Variants in ADGRE2 observed in about 807,000 individuals in gnomAD.
ADGRE2 encodes the protein adhesion G protein-coupled receptor E2.
In ADGRE2, 83 loss-of-function variants were observed where a neutral mutation model predicts 100.8. The observed-to-expected ratio is 0.82, with a 90% CI of 0.69 to 0.99. ADGRE2 has a LOEUF of 0.99. ADGRE2 is among the 50% of genes least tolerant of loss of function. ADGRE2 has a pLI of 0.00. For synonymous variants in ADGRE2, 355 were observed against 413.0 expected, an observed-to-expected ratio of 0.86 and a Z score of 1.70; for missense variants, 814 against 1,035.7, an observed-to-expected ratio of 0.79 and a Z score of 2.94.
chr19:14,755,844 C>G lies in ADGRE2; in HGVS notation c.1226G>C (p.Gly409Ala), dbSNP rs752640257. The change falls in exon 13 of 21, where the codon GGG becomes GCG. Residue 409 changes from glycine (G) to alanine (A), a missense_variant. Around this residue, in one of 5 missense-constraint regions of ADGRE2, gnomAD observed 569 missense variants for 692.7 expected, o/e 0.82. Transcript: ENST00000315576. ...GGCCTCAGCCAGCAACTTGCCCATCCCTGGAATGGAGACAAGGCCCACCAC... is the reference window on the plus strand; with the variant it reads ...GGCCTCAGCCAGCAACTTGCCCATCGCTGGAATGGAGACAAGGCCCACCAC... ...PSVVGLVSIP[G>A]MGKLLAEAPL... 6.2e-7 allele frequency: 1 copy of G among 1,614,166 alleles called. No individual in the cohort carries two copies. The highest frequency in any genetic ancestry group is 8.5e-7 in the Non-Finnish European group (1 of 1,180,034).
chr19:14,760,621 A>C (rs1273622062), intron 11 of ADGRE2, among the ~76,000 whole-genome samples: 1 of 152,022 alleles, frequency 6.6e-6, no homozygotes, highest in Admixed American at 6.6e-5. Context: ...ATCTAAACAA[A>C]AAAAAAAAAT....
chr19:14,749,750 ATTAT>A (rs1426768718), intron 16 of ADGRE2, among the ~76,000 whole-genome samples: 3 of 116,900 alleles, frequency 2.6e-5, no homozygotes, highest in Non-Finnish European at 5.0e-5. Context: ...TAGTTACATA[ATTAT>A]TTATAGCTAT....
At chr19:14,751,886 T>C (rs2043297824) in intron 15 of ADGRE2, among the ~76,000 whole-genome samples, 2 of 148,420 alleles carry the variant, frequency 1.3e-5, no homozygotes, top group Admixed American at 1.4e-4. Flanking sequence ...CGTGTATATA[T>C]ACGTATACAC....
intron 11 of ADGRE2, among the ~76,000 whole-genome samples, chr19:14,760,333 A>G (rs1264803271): frequency 1.3e-5 from 2 of 152,208 alleles, no homozygotes; most frequent in Non-Finnish European, 2.9e-5. Context: ...TGTAAGATTT[A>G]TGTATCAATA....
chr19:14,751,380 T>C, intron 16 of ADGRE2, 56 bp downstream of exon 16: 4 of 1,343,440 alleles, frequency 3.0e-6, no homozygotes, highest in Non-Finnish European at 4.3e-6. Context: ...ATCTAGGTTC[T>C]AGCAATGGCC....
intron 14 of ADGRE2, among the ~76,000 whole-genome samples, chr19:14,753,788 TAAA>T (rs58085048): frequency 4.2e-5 from 6 of 141,242 alleles, no homozygotes; most frequent in Admixed American, 7.1e-5. Flanking sequence ...AGACCCTGTC[TAAA>T]AAAAAAAAAA....
chr19:14,749,413 TTA>T (rs1037550735), intron 16 of ADGRE2, among the ~76,000 whole-genome samples: 33 of 142,132 alleles, frequency 2.3e-4, no homozygotes, highest in African/African-American at 8.1e-4. Flanking sequence ...TTATTTATAG[TTA>T]TATAATTATT....
chr19:14,746,166 G>A, intron 18 of ADGRE2, 66 bp downstream of exon 18: 1 of 951,316 alleles, frequency 1.1e-6, no homozygotes, highest in Non-Finnish European at 1.7e-6. Flanking sequence ...TGGCTGCTGA[G>A]GCACATGGCT....
intron 20 of ADGRE2, among the ~76,000 whole-genome samples, chr19:14,738,783 C>T (rs1256262868): frequency 6.6e-6 from 1 of 152,090 alleles, no homozygotes; most frequent in Non-Finnish European, 1.5e-5. Flanking sequence ...GTCAGCTTCA[C>T]TTGCTTATAT....
chr19:14,759,504 T>TATATATA lies in ADGRE2; in HGVS notation c.1085-3160_1085-3159insTATATAT, dbSNP rs1555786067. Among the ~76,000 whole-genome samples, 544 of 70,928 alleles carry TATATATA rather than the reference T, an allele frequency of 7.7e-3. 2 individuals carry two copies. The highest frequency in any genetic ancestry group is 0.017 in the African/African-American group (393 of 22,538). The allele number at this position is 70,928 out of a possible 152,430, so 46.5% of individuals were successfully genotyped here. On this transcript the variant is annotated intron_variant, in intron 11 of 20. Transcript: ENST00000315576. ...TAAGTTATACATATATATATATATA[T>TATATATA]TTTTTTTTTTTAGACGGAGTCTCAC...
At chr19:14,757,331 A>G (rs185098938) in intron 11 of ADGRE2, among the ~76,000 whole-genome samples, 284 of 152,338 alleles carry the variant, frequency 1.9e-3, no homozygotes, top group African/African-American at 5.8e-3. Context: ...TGCAATCCCT[A>G]TCAATATTTT....
intron 11 of ADGRE2, among the ~76,000 whole-genome samples, chr19:14,760,329 A>G (rs995484194): frequency 6.6e-6 from 1 of 152,204 alleles, no homozygotes; most frequent in South Asian, 2.1e-4. Context: ...AATATGTAAG[A>G]TTTATGTATC....
intron 17 of ADGRE2, 99 bp from the exon 18 acceptor site, chr19:14,746,422 G>A (rs2043092984): frequency 1.4e-6 from 1 of 712,144 alleles, no homozygotes; most frequent in African/African-American, 1.8e-5. Context: ...GCCCAGGCTG[G>A]AGTGTGGCGG....
chr19:14,731,412 G>A, downstream of ADGRE2: 1 of 572,422 alleles, frequency 1.7e-6, no homozygotes, highest in Non-Finnish European at 3.1e-6. Context: ...CTTCCGGATT[G>A]TAGGTTCCCC....
intron 20 of ADGRE2, chr19:14,742,135 G>A: frequency 2.5e-6 from 1 of 398,570 alleles, no homozygotes; most frequent in Non-Finnish European, 4.4e-6. Context: ...AATGGTTAAT[G>A]AGTCAAGGAG....
chr19:14,724,200 G>A, the ADGRE2 span, among the ~76,000 whole-genome samples: 1 of 152,162 alleles, frequency 6.6e-6, no homozygotes. Flanking sequence ...CAGGTCTGGG[G>A]ACAAAACAAG....
intron 20 of ADGRE2, chr19:14,742,078 TG>T (rs2147127039): frequency 2.5e-6 from 1 of 398,608 alleles, no homozygotes; most frequent in East Asian, 3.6e-5. Flanking sequence ...CTTGAACCAC[TG>T]TTCCTGGCTG....
At chr19:14,759,490 T>A (rs908661828) in intron 11 of ADGRE2, among the ~76,000 whole-genome samples, 2 of 80,274 alleles carry the variant, frequency 2.5e-5, no homozygotes, top group East Asian at 9.6e-4. Context: ...AAGTTATACA[T>A]ATATATATAT....
intron 16 of ADGRE2, among the ~76,000 whole-genome samples, chr19:14,748,706 G>A (rs889195153): frequency 6.6e-6 from 1 of 152,092 alleles, no homozygotes. Context: ...GTAGCTCTAT[G>A]GTTAACTTTT....
Sources: gnomAD v4.1 joint callset for allele counts (sites outside exome capture counted in the v4.1 genomes callset) on GRCh38, gnomAD v4.1.1 for gene constraint, gnomAD v4.1.1 regional missense constraint, MANE v1.5 for transcripts, NCBI Gene and HGNC (gene_info 2026-07-23, HGNC 2026-07-21) for gene names.